TAFA1: variants seen among roughly 807,000 people sequenced by gnomAD.
TAFA1 encodes TAFA chemokine like family member 1, also known as chemokine-like protein TAFA-1.
A neutral mutation model predicts 18.5 loss-of-function variants in TAFA1; 4 were observed. That is an observed-to-expected ratio of 0.22 (90% CI 0.11 to 0.49). The LOEUF (loss-of-function observed/expected upper bound fraction) is 0.49, where lower values mean the gene tolerates loss of function less well. Among genes scored for constraint, TAFA1 ranks in the 20% least tolerant of loss-of-function variants. The pLI is 0.98. For synonymous variants in TAFA1, 56 were observed against 55.2 expected (o/e 1.01, Z -0.06); for missense variants, 147 against 169.0 (o/e 0.87, Z 0.72).
intron 2 of TAFA1, among the ~76,000 whole-genome samples, chr3:68,167,225 C>T (rs2065992849): frequency 2.0e-5 from 3 of 152,324 alleles, no homozygotes; most frequent in Non-Finnish European, 2.9e-5. Flanking sequence ...AGCTCCCATA[C>T]AGTAATACTC....
intron 2 of TAFA1, among the ~76,000 whole-genome samples, chr3:68,199,964 G>A (rs941469647): frequency 6.6e-6 from 1 of 151,548 alleles, no homozygotes; most frequent in Non-Finnish European, 1.5e-5. Context: ...TAAATATAAT[G>A]TGAGCTGTAG....
At chr3:68,287,391 T>C (rs1008808147) in intron 2 of TAFA1, among the ~76,000 whole-genome samples, 3 of 152,166 alleles carry the variant, frequency 2.0e-5, no homozygotes, top group South Asian at 2.1e-4. Flanking sequence ...CCTTTGCTGC[T>C]CCCTCACCCT....
chr3:68,145,078 C>T (rs948722484), intron 2 of TAFA1: 53 of 1,537,926 alleles, frequency 3.4e-5, no homozygotes, highest in Admixed American at 1.0e-4. Flanking sequence ...ACCAGGAGCT[C>T]GAGGCCCCTG....
chr3:68,018,255 G>T (rs1704608885), intron 2 of TAFA1, among the ~76,000 whole-genome samples: 1 of 152,168 alleles, frequency 6.6e-6, no homozygotes, highest in South Asian at 2.1e-4. Flanking sequence ...TGGAACACAA[G>T]TCAGCCAATT....
At chr3:68,222,307 A>G (rs1467473131) in intron 2 of TAFA1, among the ~76,000 whole-genome samples, 1 of 152,168 alleles carries the variant, frequency 6.6e-6, no homozygotes, top group Non-Finnish European at 1.5e-5. Context: ...GGAAAGCACT[A>G]TATTGTCCTT....
Position 68,378,753 on chromosome 3 carries a change from C to T in TAFA1, c.119-38527C>T, listed in dbSNP as rs552904674. On this transcript the variant is annotated intron_variant, in intron 2 of 4. Transcript: ENST00000478136. ...GTGATTGGATCGTGGGAGAGGTTTTCGCCATGCTGTTCTCATGATAGTGAG... is the reference window on the plus strand; with the variant it reads ...GTGATTGGATCGTGGGAGAGGTTTTTGCCATGCTGTTCTCATGATAGTGAG... 3.9e-5 allele frequency among the ~76,000 whole-genome samples: 6 copies of T among 152,210 alleles called. No individual in the cohort carries two copies. The East Asian group carries it at 5.8e-4, about 15-fold the overall frequency.
At chr3:68,309,394 C>G (rs947611365) in intron 2 of TAFA1, among the ~76,000 whole-genome samples, 2 of 152,122 alleles carry the variant, frequency 1.3e-5, no homozygotes, top group Non-Finnish European at 2.9e-5. Flanking sequence ...CTACAATAAT[C>G]AAGGTATTAT....
intron 3 of TAFA1, among the ~76,000 whole-genome samples, chr3:68,522,167 A>G (rs1158307): frequency 0.8 from 121,496 of 151,982 alleles, 48,641 homozygotes; most frequent in East Asian, 0.89. Flanking sequence ...GTTATTTATA[A>G]ATTTTTCTAG....
intron 2 of TAFA1, among the ~76,000 whole-genome samples, chr3:68,181,415 G>A (rs1227544227): frequency 1.3e-5 from 2 of 151,356 alleles, no homozygotes; most frequent in Middle Eastern, 3.4e-3. Context: ...AATTATGTAA[G>A]TGAAGGCAGT....
At chr3:68,019,750 G>C (rs1000279131) in intron 2 of TAFA1, among the ~76,000 whole-genome samples, 1 of 151,820 alleles carries the variant, frequency 6.6e-6, no homozygotes, top group African/African-American at 2.4e-5. Flanking sequence ...TCCAATTCTT[G>C]TCATCATCAA....
At chr3:68,383,829 G>C (rs920664915) in intron 2 of TAFA1, among the ~76,000 whole-genome samples, 4 of 152,008 alleles carry the variant, frequency 2.6e-5, no homozygotes, top group African/African-American at 4.8e-5. Context: ...TGGTTGGTAG[G>C]CCATTAATTA....
chr3:68,135,448 A>G (rs1182532900), intron 2 of TAFA1, among the ~76,000 whole-genome samples: 1 of 152,228 alleles, frequency 6.6e-6, no homozygotes, highest in South Asian at 2.1e-4. Flanking sequence ...TCCAGGCAGC[A>G]TGGAAAAAGA....
intron 3 of TAFA1, among the ~76,000 whole-genome samples, chr3:68,529,812 C>G (rs2073165649): frequency 1.3e-5 from 2 of 152,176 alleles, no homozygotes; most frequent in African/African-American, 4.8e-5. Flanking sequence ...TTGACCTGTT[C>G]ATGAGAGATC....
At chr3:68,337,176 C>T (rs901591151) in intron 2 of TAFA1, among the ~76,000 whole-genome samples, 7 of 152,272 alleles carry the variant, frequency 4.6e-5, no homozygotes, top group Admixed American at 6.5e-5. Context: ...AATTGGCTCA[C>T]GGTTCCACAC....
intron 2 of TAFA1, among the ~76,000 whole-genome samples, chr3:68,251,345 T>A (rs1559578180): frequency 6.6e-6 from 1 of 152,240 alleles, no homozygotes; most frequent in African/African-American, 2.4e-5. Context: ...TATGGCTATA[T>A]GCTAAGTACT....
the TAFA1 span, among the ~76,000 whole-genome samples, chr3:67,996,144 T>C: frequency 6.6e-6 from 1 of 152,152 alleles, no homozygotes; most frequent in Admixed American, 6.5e-5. Flanking sequence ...TGAGTTCTAG[T>C]CTCCGTACCT....
chr3:68,097,967 G>T (rs1257477946), intron 2 of TAFA1, among the ~76,000 whole-genome samples: 1 of 152,084 alleles, frequency 6.6e-6, no homozygotes, highest in Non-Finnish European at 1.5e-5. Flanking sequence ...TGAAAGTGTT[G>T]ACAGGTTATT....
chr3:68,078,545 C>T (rs1178419218), intron 2 of TAFA1, among the ~76,000 whole-genome samples: 8 of 152,136 alleles, frequency 5.3e-5, no homozygotes, highest in African/African-American at 1.7e-4. Context: ...TGTCAGAGGC[C>T]TTTTCTGCAT....
At chr3:68,207,630 A>C (rs1423913246) in intron 2 of TAFA1, among the ~76,000 whole-genome samples, 1 of 151,936 alleles carries the variant, frequency 6.6e-6, no homozygotes, top group Non-Finnish European at 1.5e-5. Context: ...AGAACTACCA[A>C]ATGAGCATTG....
Sources: gnomAD v4.1 joint callset for allele counts (sites outside exome capture counted in the v4.1 genomes callset) on GRCh38, gnomAD v4.1.1 for gene constraint, MANE v1.5 for transcripts, NCBI Gene and HGNC (gene_info 2026-07-23, HGNC 2026-07-21) for gene names.